The following KCNMA1 variants were observed in gnomAD, a reference collection of about 807,000 sequenced individuals.
KCNMA1 encodes Calcium-activated potassium channel subunit alpha-1.
KCNMA1 carries 29 observed loss-of-function variants against 140.0 expected under a neutral mutation model. The ratio of observed to expected loss-of-function variants is 0.21; its 90% CI spans 0.15 to 0.28. The LOEUF (loss-of-function observed/expected upper bound fraction) is 0.28. KCNMA1 is among the 10% of genes least tolerant of loss of function. The probability of loss-of-function intolerance (pLI) is 1.00; values close to 1 mark genes in which losing one functional copy is unlikely to be tolerated. For missense variants in KCNMA1, 880 were observed against 1,602.2 expected (o/e 0.55, Z 7.70); for synonymous variants, 612 against 611.9 (o/e 1.00, Z 0.00).
intron 19 of KCNMA1, among the ~76,000 whole-genome samples, chr10:76,999,371 T>C (rs1465521257): frequency 6.6e-6 from 1 of 152,200 alleles, no homozygotes; most frequent in Non-Finnish European, 1.5e-5. Flanking sequence ...TTTTCTCCAC[T>C]GAGTCTAGGC....
intron 14 of KCNMA1, among the ~76,000 whole-genome samples, chr10:77,072,813 T>A (rs943732174): frequency 6.6e-6 from 1 of 152,178 alleles, no homozygotes; most frequent in Non-Finnish European, 1.5e-5. Flanking sequence ...CATATTTTTG[T>A]TTTAACAGCG....
At chr10:77,112,493 G>C (rs757382980) in intron 6 of KCNMA1, 51 bp from the exon 7 acceptor site, 4 of 1,425,864 alleles carry the variant, frequency 2.8e-6, no homozygotes, top group Non-Finnish European at 3.0e-6. Flanking sequence ...GGAAGGCCCT[G>C]CTGGGGCTGC....
chr10:77,568,783 G>A (rs1300558920), intron 1 of KCNMA1, among the ~76,000 whole-genome samples: 1 of 151,226 alleles, frequency 6.6e-6, no homozygotes, highest in African/African-American at 2.4e-5. Flanking sequence ...TAGAAAAAGA[G>A]GAAGTCAAAT....
chr10:77,485,440 C>T (rs557717297), intron 1 of KCNMA1, among the ~76,000 whole-genome samples: 10 of 152,172 alleles, frequency 6.6e-5, no homozygotes, highest in Admixed American at 2.0e-4. Context: ...GCAGGCTGAC[C>T]GAGCGTGTCT....
intron 19 of KCNMA1, among the ~76,000 whole-genome samples, chr10:76,982,813 T>C (rs1208500540): frequency 6.6e-6 from 1 of 152,202 alleles, no homozygotes; most frequent in Non-Finnish European, 1.5e-5. Context: ...CCACTTTCCT[T>C]TCCAAGGTAA....
chr10:76,948,644 CA>C (rs1446168821), intron 22 of KCNMA1, among the ~76,000 whole-genome samples: 1 of 152,102 alleles, frequency 6.6e-6, no homozygotes, highest in Non-Finnish European at 1.5e-5. Flanking sequence ...TCTAAATGAA[CA>C]GGGGTTGGGG....
chr10:77,077,499 A>G (rs2096436283), intron 13 of KCNMA1, among the ~76,000 whole-genome samples: 1 of 152,226 alleles, frequency 6.6e-6, no homozygotes, highest in African/African-American at 2.4e-5. Context: ...AGGCCGGCTG[A>G]GCTGCTTTGA....
chr10:77,496,792 A>G (rs1272744233), intron 1 of KCNMA1, among the ~76,000 whole-genome samples: 3 of 151,978 alleles, frequency 2.0e-5, no homozygotes, highest in Non-Finnish European at 4.4e-5. Flanking sequence ...TGACCAGGAC[A>G]CAGCACTAGC....
intron 5 of KCNMA1, among the ~76,000 whole-genome samples, chr10:77,147,469 T>C (rs1287799248): frequency 6.7e-6 from 1 of 150,130 alleles, no homozygotes; most frequent in African/African-American, 2.5e-5. Context: ...ATCAGAGGGG[T>C]GGAATAGCCT....
intron 1 of KCNMA1, among the ~76,000 whole-genome samples, chr10:77,439,623 C>T (rs1029359852): frequency 6.6e-6 from 1 of 152,202 alleles, no homozygotes; most frequent in Non-Finnish European, 1.5e-5. Flanking sequence ...TAAGTCAACC[C>T]ATGGGCTCTC....
At chr10:77,403,622 C>A (rs1040205674) in intron 2 of KCNMA1, among the ~76,000 whole-genome samples, 2 of 152,106 alleles carry the variant, frequency 1.3e-5, no homozygotes, top group Non-Finnish European at 2.9e-5. Flanking sequence ...AAATGTGCTA[C>A]ATCTTCCCAA....
chr10:76,878,736 C>A (rs2033230304), intron 29 of KCNMA1, among the ~76,000 whole-genome samples: 1 of 152,030 alleles, frequency 6.6e-6, no homozygotes, highest in Non-Finnish European at 1.5e-5. Context: ...CGTTTGGGGG[C>A]TGGGGTGAGA....
intron 1 of KCNMA1, among the ~76,000 whole-genome samples, chr10:77,617,775 T>C (rs1056959610): frequency 6.6e-6 from 1 of 152,210 alleles, no homozygotes; most frequent in African/African-American, 2.4e-5. Context: ...TATAAAGTGC[T>C]TGACACCATG....
Position 77,301,700 on chromosome 10 carries a change from G to A in KCNMA1, c.541-50444C>T, listed in dbSNP as rs7895108. ...TGGCTTCAACTGCACTTCAATTGACGCCCCGGAGGTGGGTAAGCATACATT... is the reference window on the plus strand; with the variant it reads ...TGGCTTCAACTGCACTTCAATTGACACCCCGGAGGTGGGTAAGCATACATT... On this transcript the variant is annotated intron_variant, in intron 2 of 27. Transcript: ENST00000286628. Among the ~76,000 whole-genome samples, 6 of 151,562 alleles carry A rather than the reference G, an allele frequency of 4.0e-5. No homozygotes were observed. The South Asian group carries it at 1.3e-3, about 32-fold the overall frequency.
chr10:76,993,890 A>G (rs1374241145), intron 19 of KCNMA1, among the ~76,000 whole-genome samples: 5 of 152,244 alleles, frequency 3.3e-5, no homozygotes, highest in Non-Finnish European at 5.9e-5. Context: ...CTCTAGCCAA[A>G]TTGGGTGGCC....
chr10:77,544,195 TAGAG>T (rs958609674), intron 1 of KCNMA1, among the ~76,000 whole-genome samples: 5 of 145,982 alleles, frequency 3.4e-5, no homozygotes, highest in South Asian at 4.3e-4. Flanking sequence ...TGTGTGATGA[TAGAG>T]AGATTACGTG....
At chr10:77,237,907 TC>T (rs1230492799) in intron 3 of KCNMA1, among the ~76,000 whole-genome samples, 1 of 152,160 alleles carries the variant, frequency 6.6e-6, no homozygotes, top group African/African-American at 2.4e-5. Context: ...TCTGTGACCT[TC>T]TACCCGAAGG....
chr10:77,242,795 C>T (rs1048449874), intron 3 of KCNMA1, among the ~76,000 whole-genome samples: 1 of 152,048 alleles, frequency 6.6e-6, no homozygotes, highest in African/African-American at 2.4e-5. Context: ...CACAGGTACA[C>T]AGACAGCTCT....
At position 77,265,298 on chromosome 10, in the gene KCNMA1, C is replaced by T. The variant is rs186205450; in HGVS notation, c.541-14042G>A. Among the ~76,000 whole-genome samples the T allele has an allele frequency of 5.2e-3, 789 of 152,274 alleles. 3 individuals are homozygous for T. The highest frequency in any genetic ancestry group is 0.018 in the African/African-American group (749 of 41,554). On this transcript the variant is annotated intron_variant, in intron 2 of 27. Transcript: ENST00000286628. ...AACTCCTGACCTCAAATGATCCAAC[C>T]GCCTTGGTCTCCCAAAGTGCTGGGA... is the stretch of plus-strand genomic sequence containing the variant.
Sources: gnomAD v4.1 joint callset for allele counts (sites outside exome capture counted in the v4.1 genomes callset) on GRCh38, gnomAD v4.1.1 for gene constraint, MANE v1.5 for transcripts, NCBI Gene and HGNC (gene_info 2026-07-23, HGNC 2026-07-21) for gene names.